Variants in SLX4 observed in about 807,000 individuals in gnomAD.
SLX4 encodes structure-specific endonuclease subunit SLX4.
In SLX4, 112 loss-of-function variants were observed where a neutral mutation model predicts 146.2. That is an observed-to-expected ratio of 0.77 (90% CI 0.66 to 0.90). The LOEUF is 0.90. SLX4 is among the 40% of genes least tolerant of loss of function. The probability of loss-of-function intolerance (pLI) is 0.00; values close to 1 mark genes in which losing one functional copy is unlikely to be tolerated. For synonymous variants in SLX4, 1,061 were observed against 997.7 expected (o/e 1.06, Z -1.20); for missense variants, 2,563 against 2,392.7 (o/e 1.07, Z -1.49).
At position 3,592,743 on chromosome 16, in the gene SLX4, G is replaced by C; in HGVS notation, c.2283C>G (p.Gly761=). Residue 761 remains glycine, a synonymous_variant, in exon 11 of 15, where the codon GGC becomes GGG. Transcript: ENST00000294008. ...FLHYLYTADT[G]LPPGLSSELS... ...GCTCAGAGCTAAGGCCAGGAGGAAG[G>C]CCAGTGTCCGCAGTGTAGAGATAGT... The C allele has an allele frequency of 2.5e-6, 4 of 1,613,364 alleles. No homozygotes were observed. The highest frequency in any genetic ancestry group is 3.4e-6 in the Non-Finnish European group (4 of 1,180,014).
Position 3,589,587 on chromosome 16 carries a change from G to A in SLX4, c.4051C>T (p.His1351Tyr), listed in dbSNP as rs1476642418. The A allele has an allele frequency of 6.2e-7, 1 of 1,613,466 alleles. No individual in the cohort carries two copies. Among genetic ancestry groups the A allele is most frequent in the East Asian group, 2.2e-5 (1 of 44,882 alleles). ...RSPSRPHPGG[H>Y]PHSSPLAPHP... is the part of the protein sequence containing the mutation. ...GGAGCCAGCGGAGAGGAGTGCGGGT[G>A]GCCCCCGGGGTGGGGACGGGAAGGG... is the stretch of plus-strand genomic sequence containing the variant. Residue 1351 changes from histidine (H) to tyrosine (Y), a missense_variant, in exon 12 of 15, where the codon CAC becomes TAC. Transcript: ENST00000294008. The surrounding 1 kb of genome is among the most constrained non-coding windows in gnomAD (Gnocchi z 6.2).
chr16:3,585,986 G>A (rs1380673211), intron 12 of SLX4, among the ~76,000 whole-genome samples: 4 of 151,982 alleles, frequency 2.6e-5, no homozygotes, highest in Non-Finnish European at 4.4e-5. Flanking sequence ...CTGGGCGACA[G>A]AGCAAGACCT....
rs200178217 is a variant in SLX4 at position 3,583,382 on chromosome 16, G to A, written c.4868C>T (p.Ala1623Val). 369 of 1,612,914 alleles carry A rather than the reference G, an allele frequency of 2.3e-4. No individual in the cohort carries two copies. The highest frequency in any genetic ancestry group is 2.9e-4 in the East Asian group (13 of 44,870). The change falls in exon 14 of 15, where the codon GCG becomes GTG. Residue 1623 changes from alanine (A) to valine (V), a missense_variant. Physicochemically the swap from Ala to Val is moderately conservative, Grantham distance 64 (BLOSUM62 0). Transcript: ENST00000294008. ...ESQSSQPLLQ[A>V]PHCQTLASQT... ...GGAGGCGAGGGTCTGGCAGTGAGGC[G>A]CCTGCAACAGCGGCTGTGAGGACTG... is the stretch of plus-strand genomic sequence containing the variant.
Position 3,584,800 on chromosome 16 carries a change from C to T in SLX4, c.4708G>A (p.Glu1570Lys), listed in dbSNP as rs1259637790. Residue 1570 changes from glutamate to lysine, a missense_variant, in exon 13 of 15, where the codon GAG (glutamate) becomes AAG (lysine). Coordinates refer to ENST00000294008, the MANE Select transcript of SLX4 (RefSeq NM_032444.4). ...ITPMPQYSIMETPVLKKELDR... is the reference protein window; with the variant it reads ...ITPMPQYSIMKTPVLKKELDR... ...AGTTCCTTCTTCAGCACCGGCGTCT[C>T]CATAATGGAATACTGTGGCATCGGC... 1 of 1,614,092 alleles carries T rather than the reference C, an allele frequency of 6.2e-7. No homozygotes were observed. The highest frequency in any genetic ancestry group is 8.5e-7 in the Non-Finnish European group (1 of 1,179,954).
At chr16:3,587,989 A>C in intron 12 of SLX4, among the ~76,000 whole-genome samples, 1 of 152,150 alleles carries the variant, frequency 6.6e-6, no homozygotes, top group East Asian at 1.9e-4. Context: ...CCGGGGACTG[A>C]AATGAGCAGG....
rs185668364 is a variant in SLX4 at position 3,610,595 on chromosome 16, C to T, written c.-603+965G>A. Among the ~76,000 whole-genome samples, 332 of 152,336 alleles carry T rather than the reference C, an allele frequency of 2.2e-3. 1 individual carries two copies. Among genetic ancestry groups the T allele is most frequent in the Non-Finnish European group, 3.0e-3 (201 of 68,038 alleles). ...AACTGGCCTAAAGCCAGTTCAGGAACAGCTTTCACAGTGGCAGGGCTGGGA... is the reference window on the plus strand; with the variant it reads ...AACTGGCCTAAAGCCAGTTCAGGAATAGCTTTCACAGTGGCAGGGCTGGGA... On this transcript the variant is annotated intron_variant, in intron 1 of 14. Coordinates refer to ENST00000294008, the MANE Select transcript of SLX4 (RefSeq NM_032444.4).
Position 3,590,710 on chromosome 16 carries a change from G to A in SLX4, c.2928C>T (p.His976=). The change falls in exon 12 of 15, where the codon CAC becomes CAT. Residue 976 remains histidine (H), a synonymous_variant. Transcript: ENST00000294008. The surrounding 1 kb of genome is among the most constrained non-coding windows in gnomAD (Gnocchi z 4.8). The stretch of plus-strand genomic sequence containing the variant: ...GTTCGTAATCCCCGGCATCATCTGA[G>A]TGCGGAAGAGAGCCTTCTTTTCTCT... ...QAERKEGSLP[H]SDDAGDYEQL... 1 of 1,614,200 alleles carries A rather than the reference G, an allele frequency of 6.2e-7. No individual in the cohort carries two copies. Among genetic ancestry groups the A allele is most frequent in the Middle Eastern group, 1.6e-4 (1 of 6,062 alleles).
rs578171033 is a variant in SLX4, at chr16:3,591,375, G to A, written c.2328-65C>T. On this transcript the variant is annotated intron_variant, in intron 11 of 14. Transcript: ENST00000294008. ...GGAGATGGGCTCTGGGTGCCCCGGT[G>A]GGGTGGCGGACCAGAGCAGAGTCTT... 1.1e-4 allele frequency: 177 copies of A among 1,595,610 alleles called. 1 individual carries two copies. Among genetic ancestry groups the A allele is most frequent in the Non-Finnish European group, 8.9e-5 (105 of 1,177,140 alleles).
intron 10 of SLX4, among the ~76,000 whole-genome samples, 179 bp downstream of exon 10, chr16:3,594,274 C>T (rs1410175849): frequency 6.6e-6 from 1 of 152,086 alleles, no homozygotes; most frequent in African/African-American, 2.4e-5. Context: ...TATCTCTTCT[C>T]CACGTGTTGC....
intron 3 of SLX4, 150 bp downstream of exon 3, chr16:3,606,324 G>C (rs2040781980): frequency 3.5e-6 from 3 of 863,064 alleles, no homozygotes; most frequent in Non-Finnish European, 5.9e-6. Flanking sequence ...TCATTCTCTG[G>C]CTGGATCCAG....
chr16:3,583,055 G>A, intron 14 of SLX4, 42 bp downstream of exon 14: 1 of 1,612,204 alleles, frequency 6.2e-7, no homozygotes, highest in Non-Finnish European at 8.5e-7. Context: ...ACGGGCCAGA[G>A]GATACATGAG....
At position 3,598,149 on chromosome 16, in the gene SLX4, G is replaced by T. The variant is rs62037799; in HGVS notation, c.1164-150C>A. ...ATGCGTCCCCCACTTCCACTGCCTT[G>T]TGTGAACTCATTCAATTCCAGGCCA... On this transcript the variant is annotated intron_variant, in intron 5 of 14. Transcript: ENST00000294008. 6,570 of 887,062 alleles carry T rather than the reference G, an allele frequency of 7.4e-3. 39 individuals carry two copies. The highest frequency in any genetic ancestry group is 0.01 in the Non-Finnish European group (5,683 of 548,938). 54.9% of individuals were successfully genotyped at this position (887,062 alleles called of 1,614,324 possible).
Position 3,609,002 on chromosome 16 carries a change from A to G in SLX4, c.-38T>C. ...CTACTTCTCCATTAGATACTTGGAG[A>G]GTTTGCACAATTGAACAAAAAGTAC... On this transcript the variant is annotated 5_prime_UTR_variant, in exon 2 of 15. Transcript: ENST00000294008. 6.2e-7 allele frequency: 1 copy of G among 1,602,532 alleles called. No homozygotes were observed. The highest frequency in any genetic ancestry group is 1.7e-5 in the Admixed American group (1 of 59,784).
intron 5 of SLX4, among the ~76,000 whole-genome samples, chr16:3,599,132 G>A (rs2040699721): frequency 6.6e-6 from 1 of 152,200 alleles, no homozygotes; most frequent in Admixed American, 6.5e-5. Context: ...AAGAAACAAT[G>A]GCTTAGATGA....
Position 3,589,180 on chromosome 16 carries a change from C to A in SLX4, c.4458G>T (p.Arg1486Ser), listed in dbSNP as rs1387319346. 6.2e-7 allele frequency: 1 copy of A among 1,614,154 alleles called. No individual in the cohort carries two copies. Among genetic ancestry groups the A allele is most frequent in the Admixed American group, 1.7e-5 (1 of 60,022 alleles). ...CGCCCGAGGACTTCTCTTGCAATTT[C>A]CTCTGGGTAGTGCAGCTTCCTCGGA... ...TPIRGSCTTQ[R>S]KLQEKSSGAG... The change falls in exon 12 of 15, where the codon AGG becomes AGT. Residue 1486 changes from arginine (R) to serine (S), a missense_variant. Transcript: ENST00000294008. The surrounding 1 kb of genome is among the most constrained non-coding windows in gnomAD (Gnocchi z 6.2).
At chr16:3,611,401 C>T (rs961577427) in intron 1 of SLX4, among the ~76,000 whole-genome samples, 159 bp downstream of exon 1, 1 of 152,254 alleles carries the variant, frequency 6.6e-6, no homozygotes, top group Non-Finnish European at 1.5e-5. Context: ...GCGGCTCCTG[C>T]CTCTCCGTCG....
intron 12 of SLX4, among the ~76,000 whole-genome samples, chr16:3,585,314 C>T (rs1181834654): frequency 3.3e-5 from 5 of 152,108 alleles, no homozygotes; most frequent in East Asian, 3.8e-4. Context: ...GGGCCGGGCG[C>T]GGTGGCTCAC....
intron 11 of SLX4, among the ~76,000 whole-genome samples, chr16:3,592,346 CT>C (rs1468252124): frequency 6.6e-6 from 1 of 152,254 alleles, no homozygotes; most frequent in Non-Finnish European, 1.5e-5. Flanking sequence ...CTGGAAAGGA[CT>C]GCTGTTGTTC....
At chr16:3,582,722 C>T in intron 14 of SLX4, 29 bp from the exon 15 acceptor site, 1 of 1,581,992 alleles carries the variant, frequency 6.3e-7, no homozygotes. Context: ...GGACGTTGTG[C>T]AACCCCTTTC....
Sources: gnomAD v4.1 joint callset for allele counts (sites outside exome capture counted in the v4.1 genomes callset) on GRCh38, gnomAD v4.1.1 for gene constraint, Gnocchi (gnomAD v3.1) non-coding constraint, MANE v1.5 for transcripts, NCBI Gene and HGNC (gene_info 2026-07-23, HGNC 2026-07-21) for gene names.